Variants in SGCZ observed in about 807,000 individuals in gnomAD.
The protein encoded by SGCZ is sarcoglycan zeta, also known as zeta-sarcoglycan.
In SGCZ, 40 loss-of-function variants were observed where a neutral mutation model predicts 41.3. The ratio of observed to expected loss-of-function variants is 0.97; its 90% CI spans 0.75 to 1.26. SGCZ has a LOEUF of 1.26. Among genes scored for constraint, SGCZ ranks in the 50% most tolerant of loss-of-function variants. The pLI, the probability that SGCZ is intolerant of heterozygous loss-of-function variation, is 0.00. For synonymous variants in SGCZ, 206 were observed against 137.5 expected (o/e 1.50, Z -3.49); for missense variants, 552 against 369.8 (o/e 1.49, Z -4.04).
At chr8:14,365,145 G>A (rs575631733) in intron 2 of SGCZ, among the ~76,000 whole-genome samples, 1 of 151,916 alleles carries the variant, frequency 6.6e-6, no homozygotes, top group Non-Finnish European at 1.5e-5. Context: ...ATATGCTTTA[G>A]ATTACAGGGT....
chr8:14,747,099 A>G (rs1442106673), intron 1 of SGCZ, among the ~76,000 whole-genome samples: 4 of 152,118 alleles, frequency 2.6e-5, no homozygotes, highest in Admixed American at 2.6e-4. Context: ...GTAAGATTGT[A>G]TATTATGTTT....
chr8:14,240,489 A>C (rs1327183293), intron 3 of SGCZ, among the ~76,000 whole-genome samples: 1 of 151,964 alleles, frequency 6.6e-6, no homozygotes. Flanking sequence ...TAATTCTCCT[A>C]ATTTTTTGTC....
At chr8:15,225,069 C>T (rs543006675) in intron 1 of SGCZ, among the ~76,000 whole-genome samples, 177 of 152,194 alleles carry the variant, frequency 1.2e-3, no homozygotes, top group African/African-American at 3.6e-3. Flanking sequence ...ATTAAAACAG[C>T]ATAAATAATA....
chr8:14,272,621 C>T (rs1259834277), intron 3 of SGCZ, among the ~76,000 whole-genome samples: 1 of 152,132 alleles, frequency 6.6e-6, no homozygotes, highest in Non-Finnish European at 1.5e-5. Flanking sequence ...TATGGTACCT[C>T]CTTTCAAACT....
At chr8:15,197,878 G>GTA (rs1390222939) in intron 1 of SGCZ, among the ~76,000 whole-genome samples, 12 of 149,678 alleles carry the variant, frequency 8.0e-5, no homozygotes, top group Admixed American at 7.4e-4. Context: ...CATTATATGT[G>GTA]TATATATACA....
At chr8:14,974,996 AT>A (rs1285832309) in intron 1 of SGCZ, among the ~76,000 whole-genome samples, 1 of 152,136 alleles carries the variant, frequency 6.6e-6, no homozygotes, top group African/African-American at 2.4e-5. Context: ...TGTCTCCAAG[AT>A]CTAGATTATG....
intron 1 of SGCZ, among the ~76,000 whole-genome samples, chr8:14,799,031 C>T (rs1801227494): frequency 6.6e-6 from 1 of 151,734 alleles, no homozygotes; most frequent in Non-Finnish European, 1.5e-5. Context: ...ACTCCATTTT[C>T]TTGATCTCAA....
chr8:14,102,075 TTTATATATATATATATA>T (rs1802040221), intron 7 of SGCZ, among the ~76,000 whole-genome samples: 1 of 31,060 alleles, frequency 3.2e-5, no homozygotes, highest in Non-Finnish European at 6.6e-5. Context: ...CTTGGCTAAC[TTTATATATATATATATA>T]TATATATATA....
chr8:14,268,400 A>G (rs1799950052), intron 3 of SGCZ, among the ~76,000 whole-genome samples: 2 of 151,158 alleles, frequency 1.3e-5, no homozygotes, highest in Admixed American at 6.6e-5. Context: ...ATTGCTTCAT[A>G]CCATTTTTGC....
intron 1 of SGCZ, among the ~76,000 whole-genome samples, chr8:15,089,776 A>G (rs1165629334): frequency 2.0e-5 from 3 of 152,212 alleles, no homozygotes; most frequent in Admixed American, 6.5e-5. Flanking sequence ...TAAGTACTCA[A>G]TACAGCTTAG....
intron 4 of SGCZ, among the ~76,000 whole-genome samples, chr8:14,191,117 T>C (rs1327710710): frequency 2.0e-5 from 3 of 152,202 alleles, no homozygotes; most frequent in Non-Finnish European, 4.4e-5. Context: ...CCTTTTCATA[T>C]ATGTATGAGT....
chr8:14,545,697 A>T (rs1046687197), intron 2 of SGCZ, among the ~76,000 whole-genome samples: 2 of 152,148 alleles, frequency 1.3e-5, no homozygotes, highest in African/African-American at 4.8e-5. Context: ...TCTTATAGAT[A>T]AAAAAGGGCA....
chr8:15,113,541 C>G (rs1034489866), intron 1 of SGCZ, among the ~76,000 whole-genome samples: 3 of 152,172 alleles, frequency 2.0e-5, no homozygotes, highest in Non-Finnish European at 1.5e-5. Flanking sequence ...TTCAAAACAT[C>G]TGACTTCGGT....
At chr8:14,136,610 C>A (rs895202065) in intron 5 of SGCZ, among the ~76,000 whole-genome samples, 3 of 152,138 alleles carry the variant, frequency 2.0e-5, no homozygotes, top group Non-Finnish European at 4.4e-5. Flanking sequence ...GGGCTTCCAC[C>A]ATTGCTGAGG....
At chr8:14,816,161 G>A (rs901358127) in intron 1 of SGCZ, among the ~76,000 whole-genome samples, 1 of 152,134 alleles carries the variant, frequency 6.6e-6, no homozygotes. Context: ...AAGATGCAGT[G>A]GGAATTAGAC....
At chr8:14,650,363 A>AT (rs1311212826) in intron 1 of SGCZ, among the ~76,000 whole-genome samples, 1 of 151,938 alleles carries the variant, frequency 6.6e-6, no homozygotes, top group Non-Finnish European at 1.5e-5. Flanking sequence ...AAAAACTTGT[A>AT]TTTTAGCTTC....
intron 1 of SGCZ, among the ~76,000 whole-genome samples, chr8:15,031,672 G>C (rs1488201868): frequency 6.6e-6 from 1 of 152,144 alleles, no homozygotes; most frequent in Admixed American, 6.5e-5. Flanking sequence ...CTGTACAACA[G>C]AGCCTTGCTG....
intron 1 of SGCZ, among the ~76,000 whole-genome samples, chr8:15,143,239 A>G (rs1563148531): frequency 6.6e-6 from 1 of 152,228 alleles, no homozygotes; most frequent in Non-Finnish European, 1.5e-5. Context: ...CTCCAGTAGA[A>G]TGAGTGTTCC....
intron 1 of SGCZ, among the ~76,000 whole-genome samples, chr8:15,080,298 A>C (rs1805691793): frequency 6.6e-6 from 1 of 151,910 alleles, no homozygotes. Context: ...GCCACTTTGC[A>C]TCCATCCTGC....
Sources: allele counts gnomAD v4.1 joint callset (sites outside exome capture counted in the v4.1 genomes callset), GRCh38; gene constraint gnomAD v4.1.1; transcripts MANE v1.5; gene names NCBI Gene and HGNC (gene_info 2026-07-23, HGNC 2026-07-21).